The following ZNF41 variants were observed in gnomAD, a reference collection of about 807,000 sequenced individuals.
ZNF41 encodes the protein zinc finger protein 41.
ZNF41 carries 6 observed loss-of-function variants against 9.3 expected under a neutral mutation model. The observed-to-expected ratio is 0.65, with a 90% CI of 0.35 to 1.28. The LOEUF is 1.28. ZNF41 is among the 50% of genes most tolerant of loss of function. ZNF41 has a pLI of 0.03. For synonymous variants in ZNF41, 192 were observed against 207.1 expected, an observed-to-expected ratio of 0.93 and a Z score of 0.63; for missense variants, 523 against 585.8, an observed-to-expected ratio of 0.89 and a Z score of 1.11.
intron 2 of ZNF41, among the ~76,000 whole-genome samples, chrX:47,456,830 A>G (rs1219598693): frequency 8.9e-6 from 1 of 111,746 alleles, no homozygotes; most frequent in African/African-American, 3.3e-5. Context: ...ATAAGGTTAG[A>G]TTTCATAGAG....
chrX:47,476,985 T>C (rs749924311), intron 1 of ZNF41: 13 of 67,503 alleles, frequency 1.9e-4, no homozygotes, highest in Middle Eastern at 6.9e-3. Flanking sequence ...GCCTCCTGAG[T>C]AGCTGGGACT....
intron 2 of ZNF41, among the ~76,000 whole-genome samples, chrX:47,463,471 C>G (rs1003887697): frequency 1.8e-5 from 2 of 111,193 alleles, no homozygotes; most frequent in African/African-American, 6.5e-5. Context: ...TCCAACTGTG[C>G]CTTCACCCCA....
At chrX:47,473,809 C>T (rs918841627) in intron 1 of ZNF41, among the ~76,000 whole-genome samples, 1 of 112,045 alleles carries the variant, frequency 8.9e-6, no homozygotes, top group African/African-American at 3.2e-5. Flanking sequence ...AGATCTCTAA[C>T]ATATTGCCAG....
rs953610722 is a variant in ZNF41 at position 47,447,033 on chromosome X, C to G, written c.*397G>C. On this transcript the variant is annotated 3_prime_UTR_variant, in exon 5 of 5. Transcript: ENST00000684689. ...TCCCAGTAGTGAGTATTTTTATGTC[C>G]CAGGATATGCTGAACCAATCAGTAC... The G allele has an allele frequency of 7.0e-6, 1 of 142,115 alleles. No homozygotes were observed. Among genetic ancestry groups the G allele is most frequent in the African/African-American group, 3.2e-5 (1 of 31,360 alleles). 11.7% of individuals were successfully genotyped at this position (142,115 alleles called of 1,213,427 possible).
intron 4 of ZNF41, among the ~76,000 whole-genome samples, chrX:47,451,926 T>C (rs2056384941): frequency 8.9e-6 from 1 of 112,220 alleles, no homozygotes; most frequent in African/African-American, 3.2e-5. Context: ...CATAAATATA[T>C]ATACCTATGT....
intron 2 of ZNF41, among the ~76,000 whole-genome samples, chrX:47,462,236 C>T (rs746606472): frequency 4.5e-5 from 5 of 110,846 alleles, no homozygotes; most frequent in Non-Finnish European, 9.5e-5. Flanking sequence ...TCCTGTTCCC[C>T]GGGACTGTTC....
At chrX:47,468,617 A>G (rs2057068611) in intron 1 of ZNF41, among the ~76,000 whole-genome samples, 1 of 111,145 alleles carries the variant, frequency 9.0e-6, no homozygotes, top group Non-Finnish European at 1.9e-5. Flanking sequence ...TGACTCCCAT[A>G]AAACCCTCAG....
intron 4 of ZNF41, among the ~76,000 whole-genome samples, chrX:47,454,611 T>C (rs778052990): frequency 5.3e-4 from 59 of 111,715 alleles, no homozygotes; most frequent in Admixed American, 3.8e-4. Flanking sequence ...TGCAGAATTG[T>C]TTGTATTAGA....
chrX:47,464,351 C>T (rs767855224), intron 2 of ZNF41, among the ~76,000 whole-genome samples: 2 of 110,940 alleles, frequency 1.8e-5, no homozygotes, highest in Non-Finnish European at 3.8e-5. Context: ...TTCCTTATTC[C>T]GTTGTGACTC....
intron 2 of ZNF41, among the ~76,000 whole-genome samples, chrX:47,463,403 C>A (rs184419070): frequency 1.2e-4 from 13 of 110,997 alleles, no homozygotes; most frequent in Admixed American, 6.8e-4. Flanking sequence ...AGTCCCATGT[C>A]CCCTCAGTCA....
chrX:47,463,305 A>G (rs1231348880), intron 2 of ZNF41, among the ~76,000 whole-genome samples: 1 of 110,840 alleles, frequency 9.0e-6, no homozygotes, highest in Non-Finnish European at 1.9e-5. Flanking sequence ...CATTACATCT[A>G]ACTATTGGCT....
intron 2 of ZNF41, among the ~76,000 whole-genome samples, chrX:47,462,984 CACACACACAT>C (rs2056866843): frequency 1.9e-5 from 2 of 108,068 alleles, no homozygotes; most frequent in East Asian, 2.9e-4. Context: ...TACACACACA[CACACACACAT>C]ACACACACAT....
chrX:47,476,834 A>T (rs1473244986), intron 1 of ZNF41: 1 of 94,376 alleles, frequency 1.1e-5, no homozygotes, highest in African/African-American at 3.9e-5. Context: ...AGGCGGGTGG[A>T]TCGCTTGAGG....
At chrX:47,451,850 T>C (rs187013436) in intron 4 of ZNF41, among the ~76,000 whole-genome samples, 1 of 112,425 alleles carries the variant, frequency 8.9e-6, no homozygotes. Context: ...CACTCCAGCC[T>C]AGGTGACAGC....
rs1054346959 is a variant in ZNF41 at position 47,447,253 on chromosome X, G to C, written c.*177C>G. ...TTGCATATACACTGTGGTGATGCAG[G>C]AACTTGTCTTTCCAGTGGACTGAAG... On this transcript the variant is annotated 3_prime_UTR_variant, in exon 5 of 5. Transcript: ENST00000684689. 1.8e-6 allele frequency: 1 copy of C among 549,978 alleles called. No individual in the cohort carries two copies. Among genetic ancestry groups the C allele is most frequent in the Non-Finnish European group, 3.0e-6 (1 of 332,246 alleles). The allele number at this position is 549,978 out of a possible 1,213,427, so 45.3% of individuals were successfully genotyped here.
In ZNF41 at chrX:47,446,837, A is replaced by C. The variant is rs755594931; in HGVS notation, c.*593T>G. On this transcript the variant is annotated 3_prime_UTR_variant, in exon 5 of 5. Transcript: ENST00000684689. ...ATATATATACCATGAGGACTTCCCAAGGGAAAAGAAAAAAGTTTTTCATGG... is the reference window on the plus strand; with the variant it reads ...ATATATATACCATGAGGACTTCCCACGGGAAAAGAAAAAAGTTTTTCATGG... 8.8e-6 allele frequency: 1 copy of C among 113,083 alleles called. No individual in the cohort carries two copies. Among genetic ancestry groups the C allele is most frequent in the African/African-American group, 3.2e-5 (1 of 30,791 alleles). 9.3% of individuals were successfully genotyped at this position (113,083 alleles called of 1,213,427 possible).
chrX:47,448,999 A>G lies in ZNF41; in HGVS notation c.771T>C (p.Ala257=), dbSNP rs1240081535. ...HYEKHLSHKQ[A]PTHHQKIHPE... ...GATGAATTTTCTGATGGTGGGTGGG[A>G]GCTTGTTTGTGGCTGAGATGTTTTT... The change falls in exon 5 of 5, where the codon GCT becomes GCC. Residue 257 remains alanine (A), a synonymous_variant. Transcript: ENST00000684689. 1 of 1,209,435 alleles carries G rather than the reference A, an allele frequency of 8.3e-7. No homozygotes were observed. Among genetic ancestry groups the G allele is most frequent in the East Asian group, 3.0e-5 (1 of 33,762 alleles).
chrX:47,459,482 C>A lies in ZNF41; in HGVS notation c.73-3084G>T, dbSNP rs781768464. On this transcript the variant is annotated intron_variant, in intron 2 of 4. Transcript: ENST00000684689. ...CAGGGCCTGGGCGTGGAGGCTCACA[C>A]CTGTAACCCCAGCACTTTGGGAGGC... 2.7e-5 allele frequency among the ~76,000 whole-genome samples: 3 copies of A among 109,852 alleles called. No individual in the cohort carries two copies. In the South Asian group the frequency reaches 1.2e-3, roughly 43 times the overall value.
chrX:47,474,952 G>A (rs1331000039), intron 1 of ZNF41, among the ~76,000 whole-genome samples: 4 of 106,002 alleles, frequency 3.8e-5, no homozygotes, highest in South Asian at 4.3e-4. Context: ...AGGCCGAGGC[G>A]GGTGGATCAC....
Sources: gnomAD v4.1 joint callset for allele counts (sites outside exome capture counted in the v4.1 genomes callset) on GRCh38, gnomAD v4.1.1 for gene constraint, MANE v1.5 for transcripts, NCBI Gene and HGNC (gene_info 2026-07-23, HGNC 2026-07-21) for gene names.